Variants in FCHSD2 observed in about 807,000 individuals in gnomAD.
FCHSD2 encodes F-BAR and double SH3 domains protein 2.
Under a neutral mutation model 108.1 loss-of-function variants are expected in FCHSD2, and 38 were observed. The observed-to-expected ratio is 0.35, with a 90% CI of 0.27 to 0.46. FCHSD2 has a LOEUF of 0.46. Ranked by LOEUF, FCHSD2 falls within the 20% of genes least tolerant of loss-of-function variation. The probability of loss-of-function intolerance (pLI) is 1.00; values close to 1 mark genes in which losing one functional copy is unlikely to be tolerated. For synonymous variants in FCHSD2, 279 were observed against 314.7 expected, an observed-to-expected ratio of 0.89 and a Z score of 1.20; for missense variants, 751 against 897.8, an observed-to-expected ratio of 0.84 and a Z score of 2.09.
intron 2 of FCHSD2, among the ~76,000 whole-genome samples, chr11:73,126,655 T>C (rs1860867161): frequency 6.6e-6 from 1 of 152,148 alleles, no homozygotes; most frequent in Non-Finnish European, 1.5e-5. Flanking sequence ...CAATAAAATG[T>C]TTACCAATAT....
At chr11:73,079,784 G>A (rs1188496489) in intron 3 of FCHSD2, among the ~76,000 whole-genome samples, 3 of 152,012 alleles carry the variant, frequency 2.0e-5, no homozygotes, top group Non-Finnish European at 4.4e-5. Flanking sequence ...ATCATCTAAA[G>A]GGCAAATGTG....
chr11:73,046,406 T>A (rs1426729853), intron 3 of FCHSD2, among the ~76,000 whole-genome samples: 1 of 152,102 alleles, frequency 6.6e-6, no homozygotes, highest in Non-Finnish European at 1.5e-5. Flanking sequence ...GCTACAAACA[T>A]TGGAATATGT....
At chr11:72,849,306 A>G (rs551261597) in intron 14 of FCHSD2, among the ~76,000 whole-genome samples, 1 of 152,372 alleles carries the variant, frequency 6.6e-6, no homozygotes, top group African/African-American at 2.4e-5. Context: ...ACACACAGAC[A>G]AGGTACACAT....
chr11:73,037,648 A>G (rs189691958), intron 3 of FCHSD2, among the ~76,000 whole-genome samples: 48 of 152,294 alleles, frequency 3.2e-4, no homozygotes, highest in Admixed American at 2.7e-3. Context: ...GCCCATACTG[A>G]TTATGTTATG....
At chr11:73,042,206 T>C (rs1210312448) in intron 3 of FCHSD2, among the ~76,000 whole-genome samples, 3 of 152,212 alleles carry the variant, frequency 2.0e-5, no homozygotes, top group African/African-American at 7.2e-5. Context: ...ACTACAGGCA[T>C]GCGCCACTGC....
At chr11:73,051,866 TAAACAC>T (rs754707307) in intron 3 of FCHSD2, among the ~76,000 whole-genome samples, 2 of 102,846 alleles carry the variant, frequency 1.9e-5, no homozygotes, top group Non-Finnish European at 3.9e-5. Context: ...ACACGGTATA[TAAACAC>T]ACACACACAC....
At chr11:72,899,892 A>C (rs1010967994) in intron 10 of FCHSD2, among the ~76,000 whole-genome samples, 4 of 152,208 alleles carry the variant, frequency 2.6e-5, no homozygotes, top group African/African-American at 9.6e-5. Context: ...CACAGCAGAC[A>C]TAACATTACT....
intron 13 of FCHSD2, among the ~76,000 whole-genome samples, chr11:72,850,242 T>C (rs1861249637): frequency 6.6e-6 from 1 of 151,974 alleles, no homozygotes; most frequent in Admixed American, 6.6e-5. Context: ...GTTTTGTATT[T>C]TTAGTAGAGA....
intron 1 of FCHSD2, 34 bp downstream of exon 1, chr11:73,141,823 T>G: frequency 6.5e-7 from 1 of 1,539,956 alleles, no homozygotes; most frequent in South Asian, 1.2e-5. Flanking sequence ...TACGCATCTC[T>G]CCGAACCCCA....
intron 3 of FCHSD2, among the ~76,000 whole-genome samples, chr11:73,071,264 C>T (rs1407241897): frequency 9.2e-5 from 14 of 152,176 alleles, no homozygotes; most frequent in Admixed American, 8.5e-4. Context: ...CGTGCATACA[C>T]ATGAAATCTA....
chr11:73,026,321 A>C (rs796514808), intron 3 of FCHSD2, among the ~76,000 whole-genome samples: 2 of 152,278 alleles, frequency 1.3e-5, no homozygotes, highest in African/African-American at 4.8e-5. Context: ...TATAGTTCAT[A>C]GTATACTGGA....
intron 8 of FCHSD2, among the ~76,000 whole-genome samples, chr11:72,979,908 GT>G (rs1337421348): frequency 1.6e-4 from 24 of 152,172 alleles, no homozygotes; most frequent in African/African-American, 5.8e-4. Flanking sequence ...CATAATGAGG[GT>G]TGTTATCACC....
chr11:73,131,668 C>T (rs1004280359), intron 2 of FCHSD2, among the ~76,000 whole-genome samples: 2 of 150,238 alleles, frequency 1.3e-5, no homozygotes, highest in South Asian at 4.2e-4. Flanking sequence ...CGCACCACTG[C>T]ACTCCGGTCT....
At chr11:73,035,781 C>T (rs963468765) in intron 3 of FCHSD2, among the ~76,000 whole-genome samples, 8 of 151,382 alleles carry the variant, frequency 5.3e-5, no homozygotes, top group African/African-American at 1.2e-4. Flanking sequence ...AGTACAGTGG[C>T]GCGATCTTGG....
chr11:73,052,797 T>C (rs1591515979), intron 3 of FCHSD2, among the ~76,000 whole-genome samples: 1 of 152,162 alleles, frequency 6.6e-6, no homozygotes, highest in African/African-American at 2.4e-5. Flanking sequence ...AAGATGCTAA[T>C]AGCATGAAAA....
intron 13 of FCHSD2, among the ~76,000 whole-genome samples, chr11:72,865,347 C>G (rs1341664854): frequency 6.6e-6 from 1 of 152,104 alleles, no homozygotes. Context: ...GTGCCTATGT[C>G]TCTCCTTTAT....
chr11:73,096,630 A>G (rs1860084191), intron 2 of FCHSD2, among the ~76,000 whole-genome samples: 1 of 152,118 alleles, frequency 6.6e-6, no homozygotes, highest in South Asian at 2.1e-4. Context: ...ACACAAGAGA[A>G]TAGCAATGGT....
intron 2 of FCHSD2, among the ~76,000 whole-genome samples, chr11:73,136,652 T>C (rs1861126691): frequency 6.6e-6 from 1 of 152,186 alleles, no homozygotes; most frequent in African/African-American, 2.4e-5. Flanking sequence ...GAGCATAAAG[T>C]TGGCAGGGGG....
At chr11:73,071,262 C>T (rs2135499901) in intron 3 of FCHSD2, among the ~76,000 whole-genome samples, 2 of 152,260 alleles carry the variant, frequency 1.3e-5, no homozygotes, top group Middle Eastern at 3.4e-3. Context: ...CACGTGCATA[C>T]ACATGAAATC....
Sources: gnomAD v4.1 joint callset for allele counts (sites outside exome capture counted in the v4.1 genomes callset) on GRCh38, gnomAD v4.1.1 for gene constraint, MANE v1.5 for transcripts, NCBI Gene and HGNC (gene_info 2026-07-23, HGNC 2026-07-21) for gene names.